DMD: variants seen among roughly 807,000 people sequenced by gnomAD.
DMD encodes mutant dystrophin.
Under a neutral mutation model 330.1 loss-of-function variants are expected in DMD, and 63 were observed. The ratio of observed to expected loss-of-function variants is 0.19; its 90% confidence interval spans 0.16 to 0.24. The LOEUF (loss-of-function observed/expected upper bound fraction) is 0.24, where lower values mean the gene tolerates loss of function less well. DMD is among the 10% of genes least tolerant of loss of function. The pLI is 1.00. For synonymous variants in DMD, 1,223 were observed against 959.8 expected, an observed-to-expected ratio of 1.27 and a Z score of -5.07; for missense variants, 3,344 against 2,684.1, an observed-to-expected ratio of 1.25 and a Z score of -5.43.
chrX:32,701,311 C>CA (rs1277730520), intron 7 of DMD, among the ~76,000 whole-genome samples: 1 of 112,003 alleles, frequency 8.9e-6, no homozygotes. Flanking sequence ...CTGAAAGGTA[C>CA]AAAGTTATAC....
chrX:32,214,405 T>C (rs1320127443), intron 44 of DMD, among the ~76,000 whole-genome samples: 1 of 111,347 alleles, frequency 9.0e-6, no homozygotes, highest in Non-Finnish European at 1.9e-5. Flanking sequence ...AGAGGTGATA[T>C]ATACACAGAG....
chrX:32,499,508 G>A (rs1032171088), intron 19 of DMD, among the ~76,000 whole-genome samples: 1 of 111,393 alleles, frequency 9.0e-6, no homozygotes, highest in Non-Finnish European at 1.9e-5. Context: ...ATTTACATGA[G>A]GTCCTAAATG....
chrX:32,100,487 T>C (rs1163457477), intron 44 of DMD, among the ~76,000 whole-genome samples: 1 of 110,024 alleles, frequency 9.1e-6, no homozygotes. Flanking sequence ...TATTAACACG[T>C]GTTTTCATCG....
At chrX:31,764,418 T>A (rs1339981273) in intron 51 of DMD, among the ~76,000 whole-genome samples, 1 of 111,694 alleles carries the variant, frequency 9.0e-6, no homozygotes, top group Non-Finnish European at 1.9e-5. Context: ...TTCATTACTT[T>A]CGTATAATAT....
chrX:32,730,877 T>C (rs2067514431), intron 7 of DMD, among the ~76,000 whole-genome samples: 1 of 111,589 alleles, frequency 9.0e-6, no homozygotes, highest in African/African-American at 3.3e-5. Context: ...ACTTGAAATA[T>C]TGGATCAGAA....
At chrX:32,885,038 A>C (rs2084382953) in intron 2 of DMD, among the ~76,000 whole-genome samples, 1 of 112,054 alleles carries the variant, frequency 8.9e-6, no homozygotes, top group African/African-American at 3.2e-5. Context: ...TGCTCTTGCC[A>C]GATTTGTAGG....
chrX:32,164,741 C>T (rs910114218), intron 44 of DMD, among the ~76,000 whole-genome samples: 1 of 111,073 alleles, frequency 9.0e-6, no homozygotes, highest in Non-Finnish European at 1.9e-5. Context: ...ATTGCGGCTC[C>T]TCCCATCACA....
intron 41 of DMD, among the ~76,000 whole-genome samples, chrX:32,326,042 A>G (rs1250841072): frequency 3.6e-5 from 4 of 111,863 alleles, no homozygotes; most frequent in Non-Finnish European, 7.5e-5. Context: ...AATTCTCCCC[A>G]TGTATTTGAA....
At chrX:31,602,975 A>G (rs2077440877) in intron 55 of DMD, among the ~76,000 whole-genome samples, 1 of 111,761 alleles carries the variant, frequency 8.9e-6, no homozygotes, top group African/African-American at 3.2e-5. Context: ...CTACCCCTTG[A>G]CTTTGGGCTT....
intron 36 of DMD, among the ~76,000 whole-genome samples, chrX:32,363,550 T>A (rs1368515518): frequency 8.9e-6 from 1 of 111,913 alleles, no homozygotes; most frequent in African/African-American, 3.3e-5. Flanking sequence ...GTTAAATAAC[T>A]CAGACCCTAT....
At chrX:33,258,318 C>G (rs1419976255) in intron 1 of DMD, among the ~76,000 whole-genome samples, 2 of 110,697 alleles carry the variant, frequency 1.8e-5, no homozygotes, top group Non-Finnish European at 3.8e-5. Context: ...ATAACTATAC[C>G]AAAGTGTTCC....
At chrX:31,570,831 T>A (rs1317299984) in intron 55 of DMD, among the ~76,000 whole-genome samples, 1 of 112,026 alleles carries the variant, frequency 8.9e-6, no homozygotes, top group Non-Finnish European at 1.9e-5. Flanking sequence ...ACAGTATATG[T>A]GTCACTTTGA....
intron 17 of DMD, among the ~76,000 whole-genome samples, chrX:32,535,554 A>G (rs1222326295): frequency 1.8e-5 from 2 of 111,855 alleles, no homozygotes; most frequent in East Asian, 5.6e-4. Context: ...AATCTCTGTT[A>G]GAAAGCCCCA....
chrX:33,082,606 G>A (rs1319643206), intron 1 of DMD, among the ~76,000 whole-genome samples: 4 of 112,363 alleles, frequency 3.6e-5, no homozygotes, highest in African/African-American at 1.3e-4. Context: ...CCCAGAAGGA[G>A]CCTAGAGAAG....
intron 47 of DMD, among the ~76,000 whole-genome samples, chrX:31,915,827 G>C (rs968817591): frequency 2.7e-5 from 3 of 111,660 alleles, no homozygotes; most frequent in Non-Finnish European, 5.6e-5. Context: ...TACCTTACTT[G>C]TGAGGGGGTG....
intron 23 of DMD, among the ~76,000 whole-genome samples, chrX:32,467,288 T>C (rs749094120): frequency 9.0e-6 from 1 of 111,439 alleles, no homozygotes; most frequent in Non-Finnish European, 1.9e-5. Context: ...GCATTAACAT[T>C]TGTCACAATA....
chrX:32,651,618 G>A lies in DMD; in HGVS notation c.961-6466C>T, dbSNP rs974574126. Among the ~76,000 whole-genome samples, 3 of 111,291 alleles carry A rather than the reference G, an allele frequency of 2.7e-5. No homozygotes were observed. The East Asian group carries it at 8.5e-4, about 31-fold the overall frequency. ...GTCACAGACACTGATATCACACTGA[G>A]GAAGATACCAGAATACCAGAAAGAC... On this transcript the variant is annotated intron_variant, in intron 9 of 78. Transcript: ENST00000357033.
chrX:31,418,832 AT>A, intron 60 of DMD, among the ~76,000 whole-genome samples: 1 of 112,614 alleles, frequency 8.9e-6, no homozygotes, highest in African/African-American at 3.2e-5. Context: ...AATGTCTTAG[AT>A]TGGTAACTCT....
chrX:32,125,724 T>A (rs1463325575), intron 44 of DMD, among the ~76,000 whole-genome samples: 1 of 111,890 alleles, frequency 8.9e-6, no homozygotes, highest in Non-Finnish European at 1.9e-5. Flanking sequence ...CCTGTTTAAT[T>A]TTAAATTACA....
Sources: allele counts gnomAD v4.1 joint callset (sites outside exome capture counted in the v4.1 genomes callset), GRCh38; gene constraint gnomAD v4.1.1; transcripts MANE v1.5; gene names NCBI Gene and HGNC (gene_info 2026-07-23, HGNC 2026-07-21).